The following ETV4 variants were observed in gnomAD, a reference collection of about 807,000 sequenced individuals.
The protein encoded by ETV4 is ETS variant transcription factor 4, also known as ETS translocation variant 4.
Under a neutral mutation model 65.9 loss-of-function variants are expected in ETV4, and 42 were observed. The observed-to-expected ratio is 0.64, with a 90% CI of 0.50 to 0.82. ETV4 has a LOEUF of 0.82. ETV4 is among the 40% of genes least tolerant of loss of function. The probability of loss-of-function intolerance (pLI) is 0.00; values close to 1 mark genes in which losing one functional copy is unlikely to be tolerated. For synonymous variants in ETV4, 238 were observed against 260.0 expected (o/e 0.92, Z 0.81); for missense variants, 583 against 630.3 (o/e 0.92, Z 0.80).
chr17:43,536,634 A>G (rs1216950929), intron 4 of ETV4, 155 bp from the exon 5 acceptor site: 4 of 625,898 alleles, frequency 6.4e-6, no homozygotes, highest in African/African-American at 5.5e-5. Flanking sequence ...CTTGGGCCAC[A>G]CATAAAATAC....
rs766597347 is a variant in ETV4, at chr17:43,532,721, G to C, written c.764C>G (p.Ala255Gly). The C allele has an allele frequency of 6.2e-7, 1 of 1,613,684 alleles. No homozygotes were observed. Among genetic ancestry groups the C allele is most frequent in the East Asian group, 2.2e-5 (1 of 44,860 alleles). Residue 255 changes from alanine (A) to glycine (G), a missense_variant, in exon 8 of 13, where the codon GCG becomes GGG. Transcript: ENST00000319349. ...GGVNGHRYPG[A>G]GVVIKQEQTD... ...CTGTTCCTGTTTGATCACCACCCCC[G>C]CCCCTGGGTACCTGTGCCCATTGAC...
rs1043727531 is a variant in ETV4, at chr17:43,527,882, TGTG to T, written c.*634_*636del. ...GGGGCCTTTATTAAGGTCTGGCAGA[TGTG>T]GTGGAGGTGGAAGTACAAACCCAGG... is the stretch of plus-strand genomic sequence containing the variant. On this transcript the variant is annotated 3_prime_UTR_variant, in exon 13 of 13. Coordinates refer to ENST00000319349, the MANE Select transcript of ETV4 (RefSeq NM_001079675.5). 26 of 231,710 alleles carry T rather than the reference TGTG, an allele frequency of 1.1e-4. No homozygotes were observed. Among genetic ancestry groups the T allele is most frequent in the Admixed American group, 7.9e-4 (14 of 17,738 alleles). The allele number at this position is 231,710 out of a possible 1,614,324, so 14.4% of individuals were successfully genotyped here. A position where few individuals can be genotyped will look rare whatever the true frequency, so the allele number is the denominator to read the frequency against.
At chr17:43,544,802 C>T (rs1971715690) in intron 4 of ETV4, 173 bp downstream of exon 4, 4 of 611,672 alleles carry the variant, frequency 6.5e-6, no homozygotes, top group South Asian at 2.0e-5. Context: ...TAAGTGTCCA[C>T]GCTGGGTGCT....
intron 8 of ETV4, chr17:43,530,519 G>T (rs1263160055): frequency 1.7e-5 from 18 of 1,041,132 alleles, no homozygotes; most frequent in African/African-American, 3.2e-5. Context: ...AACGTCCGGG[G>T]AAAGAGTTCG....
Position 43,545,283 on chromosome 17 carries a change from C to G in ETV4, c.145G>C (p.Asp49His). 6.2e-7 allele frequency: 1 copy of G among 1,605,538 alleles called. No homozygotes were observed. The change falls in exon 3 of 13, where the codon GAC becomes CAC. Residue 49 changes from aspartate to histidine, a missense_variant. Transcript: ENST00000319349. ...CTCTCTTGCTCTTTACCTTCAGAGT[C>G]GAGGGGCGGCAGGGAGCCCGGGTCC... ...LMDPGSLPPL[D>H]SEDLFQDLSH...
chr17:43,540,207 C>T (rs1971452935), intron 4 of ETV4, among the ~76,000 whole-genome samples: 1 of 152,142 alleles, frequency 6.6e-6, no homozygotes, highest in Admixed American at 6.5e-5. Context: ...AATCCCAGCA[C>T]TTTGGGAGGC....
chr17:43,532,066 C>A (rs999511320), intron 8 of ETV4, among the ~76,000 whole-genome samples: 3 of 152,216 alleles, frequency 2.0e-5, no homozygotes, highest in Non-Finnish European at 4.4e-5. Flanking sequence ...CACTTTGTTG[C>A]CTAAGCTGGC....
At chr17:43,528,812 A>G in intron 12 of ETV4, 69 bp from the exon 13 acceptor site, 1 of 1,305,972 alleles carries the variant, frequency 7.7e-7, no homozygotes, top group Non-Finnish European at 1.1e-6. Context: ...AAGGTGGGGG[A>G]GTGGGGAATG....
At chr17:43,529,008 GTC>G (rs1474962336) in intron 12 of ETV4, 125 bp downstream of exon 12, 1 of 943,892 alleles carries the variant, frequency 1.1e-6, no homozygotes, top group South Asian at 1.5e-5. Context: ...ACAATTTCTT[GTC>G]TCTCTGACTG....
Position 43,530,158 on chromosome 17 carries a change from A to T in ETV4, c.835T>A (p.Tyr279Asn), listed in dbSNP as rs1318317641. 3.8e-6 allele frequency: 6 copies of T among 1,559,072 alleles called. No homozygotes were observed. In the Admixed American group the frequency reaches 1.2e-4, roughly 30 times the overall value. The change falls in exon 9 of 13, where the codon TAC becomes AAC. Residue 279 changes from tyrosine (Y) to asparagine (N), a missense_variant. Physicochemically the swap from Tyr to Asn is moderately radical, Grantham distance 143. Coordinates refer to ENST00000319349, the MANE Select transcript of ETV4 (RefSeq NM_001079675.5). ...CCAGAGAAGCCCTCTGTGTGGAGGT[A>T]CATTGATGCGCACCCGGTGACATCT... ...DSDVTGCASM[Y>N]LHTEGFSGPS...
intron 4 of ETV4, among the ~76,000 whole-genome samples, chr17:43,543,276 A>ACACTCTCC (rs1555559953): frequency 7.2e-6 from 1 of 138,140 alleles, no homozygotes; most frequent in Non-Finnish European, 1.6e-5. Context: ...ACACACACAC[A>ACACTCTCC]CTCTCTCTCT....
At position 43,532,954 on chromosome 17, in the gene ETV4, A is replaced by C. The variant is rs1364015803; in HGVS notation, c.546-15T>G. 2 of 1,549,532 alleles carry C rather than the reference A, an allele frequency of 1.3e-6. No homozygotes were observed. On this transcript the variant is annotated splice_polypyrimidine_tract_variant and intron_variant, in intron 7 of 12. Transcript: ENST00000319349. ...GGAAGACGGAGCTGGATGTGGTTGG[A>C]TGGAGAAGGAAGAGAAGAGAACTTT...
In ETV4 at chr17:43,527,968, C is replaced by G. The variant is rs1254514833; in HGVS notation, c.*551G>C. On this transcript the variant is annotated 3_prime_UTR_variant, in exon 13 of 13. Transcript: ENST00000319349. ...AGGGTCCCTTGGAGCAGGAACCCAT[C>G]CCTCTCTGCTTATACCCAGCACCCC... 4.3e-6 allele frequency: 1 copy of G among 233,526 alleles called. No homozygotes were observed. Among genetic ancestry groups the G allele is most frequent in the East Asian group, 6.0e-5 (1 of 16,558 alleles). 14.5% of individuals were successfully genotyped at this position (233,526 alleles called of 1,614,324 possible).
intron 4 of ETV4, chr17:43,544,219 ACCT>A (rs1173073898): frequency 2.6e-5 from 4 of 152,240 alleles, no homozygotes; most frequent in African/African-American, 7.3e-5. Context: ...CAACCAGGAA[ACCT>A]CCTGAACACA....
chr17:43,533,735 T>A, intron 6 of ETV4, 124 bp downstream of exon 6: 4 of 1,262,082 alleles, frequency 3.2e-6, no homozygotes, highest in Non-Finnish European at 4.4e-6. Flanking sequence ...TCCTTACAAG[T>A]GCTAGAAAAT....
chr17:43,534,912 G>T (rs1971156469), intron 5 of ETV4, among the ~76,000 whole-genome samples: 1 of 152,240 alleles, frequency 6.6e-6, no homozygotes, highest in South Asian at 2.1e-4. Context: ...TTGCACTCCA[G>T]CCTGGGCAAC....
Position 43,527,864 on chromosome 17 carries a change from T to G in ETV4, c.*655A>C. 1 of 228,328 alleles carries G rather than the reference T, an allele frequency of 4.4e-6. No individual in the cohort carries two copies. Among genetic ancestry groups the G allele is most frequent in the Non-Finnish European group, 8.7e-6 (1 of 114,796 alleles). 14.1% of individuals were successfully genotyped at this position (228,328 alleles called of 1,614,324 possible). On this transcript the variant is annotated 3_prime_UTR_variant, in exon 13 of 13. Transcript: ENST00000319349. ...GAACTAATGGGAGAAGTGGGGGCCTTTATTAAGGTCTGGCAGATGTGGTGG... is the reference window on the plus strand; with the variant it reads ...GAACTAATGGGAGAAGTGGGGGCCTGTATTAAGGTCTGGCAGATGTGGTGG...
Position 43,532,727 on chromosome 17 carries a change from G to A in ETV4, c.758C>T (p.Pro253Leu), listed in dbSNP as rs1185600613. 1 of 1,613,974 alleles carries A rather than the reference G, an allele frequency of 6.2e-7. No individual in the cohort carries two copies. Among genetic ancestry groups the A allele is most frequent in the South Asian group, 1.1e-5 (1 of 91,074 alleles). The change falls in exon 8 of 13, where the codon CCA becomes CTA. Residue 253 changes from proline to leucine, a missense_variant. By Grantham distance (98) the Pro-to-Leu change is moderately conservative (BLOSUM62 -3). Coordinates refer to ENST00000319349, the MANE Select transcript of ETV4 (RefSeq NM_001079675.5). ...CTGTTTGATCACCACCCCCGCCCCT[G>A]GGTACCTGTGCCCATTGACCCCACC... ...DQGGVNGHRYPGAGVVIKQEQ... is the reference protein window; with the variant it reads ...DQGGVNGHRYLGAGVVIKQEQ...
rs144111505 is a variant in ETV4, at chr17:43,541,923, A to G, written c.202+3052T>C. Among the ~76,000 whole-genome samples, 382 of 152,298 alleles carry G rather than the reference A, an allele frequency of 2.5e-3. 1 individual carries two copies. The highest frequency in any genetic ancestry group is 8.9e-3 in the African/African-American group (369 of 41,572). On this transcript the variant is annotated intron_variant, in intron 4 of 12. Coordinates refer to ENST00000319349, the MANE Select transcript of ETV4 (RefSeq NM_001079675.5). ...ATTAACCTCATCCCTCCCCACAGACATGCCGAGGCACCAGTGTACATGCAC... is the reference window on the plus strand; with the variant it reads ...ATTAACCTCATCCCTCCCCACAGACGTGCCGAGGCACCAGTGTACATGCAC...
Sources: gnomAD v4.1 joint callset for allele counts (sites outside exome capture counted in the v4.1 genomes callset) on GRCh38, gnomAD v4.1.1 for gene constraint, MANE v1.5 for transcripts, NCBI Gene and HGNC (gene_info 2026-07-23, HGNC 2026-07-21) for gene names.